The following HAUS8 variants were observed in gnomAD, a reference collection of about 807,000 sequenced individuals.
HAUS8 encodes the protein HAUS augmin like complex subunit 8, also known as HAUS augmin-like complex subunit 8.
In HAUS8, 38 loss-of-function variants were observed where a neutral mutation model predicts 42.9. That is an observed-to-expected ratio of 0.89 (90% confidence interval 0.68 to 1.16). The LOEUF is 1.16. Among genes scored for constraint, HAUS8 ranks in the 50% most tolerant of loss-of-function variants. HAUS8 has a pLI of 0.00. For synonymous variants in HAUS8, 199 were observed against 205.8 expected (o/e 0.97, Z 0.28); for missense variants, 494 against 511.6 (o/e 0.97, Z 0.33).
At chr19:17,058,462 C>T (rs1279791033) in intron 8 of HAUS8, 87 bp downstream of exon 8, 18 of 1,329,400 alleles carry the variant, frequency 1.4e-5, no homozygotes, top group Non-Finnish European at 1.8e-5. Context: ...AGCAATGATA[C>T]CCTAGCACGA....
intron 10 of HAUS8, chr19:17,052,517 G>A: frequency 4.3e-6 from 1 of 230,300 alleles, no homozygotes; most frequent in Non-Finnish European, 8.5e-6. Context: ...ATTTGAGGTT[G>A]CAGTGAGCTG....
In HAUS8 at chr19:17,058,569, C is replaced by T. The variant is rs1259176272; in HGVS notation, c.625G>A (p.Ala209Thr). The change falls in exon 8 of 11, where the codon GCA becomes ACA. Residue 209 changes from alanine to threonine, a missense_variant. Physicochemically the swap from Ala to Thr is moderately conservative, Grantham distance 58 (BLOSUM62 0). Coordinates refer to ENST00000253669, the MANE Select transcript of HAUS8 (RefSeq NM_033417.2). ...LLLSQRKRELADVLDAQIEML... is the reference protein window; with the variant it reads ...LLLSQRKRELTDVLDAQIEML... Reference sequence around the variant, plus strand: ...CTGACCTGGGCATCCAGGACATCTGCCAGCTCCCGCTTCCTCTGAGAGAGG... The same window carrying T: ...CTGACCTGGGCATCCAGGACATCTGTCAGCTCCCGCTTCCTCTGAGAGAGG... The T allele has an allele frequency of 6.2e-7, 1 of 1,602,688 alleles. No homozygotes were observed. The highest frequency in any genetic ancestry group is 1.1e-5 in the South Asian group (1 of 89,168).
chr19:17,060,782 G>A (rs921985979), intron 4 of HAUS8, among the ~76,000 whole-genome samples: 2 of 152,084 alleles, frequency 1.3e-5, no homozygotes, highest in East Asian at 1.9e-4. Context: ...ATCTTTTAAC[G>A]TATATTCTAA....
chr19:17,055,341 A>C (rs2057318935), intron 9 of HAUS8, among the ~76,000 whole-genome samples: 2 of 12,040 alleles, frequency 1.7e-4, no homozygotes, highest in South Asian at 3.3e-3. Flanking sequence ...TGCTGTCTCA[A>C]AAAAAAAAAA....
rs540942657 is a variant in HAUS8, at chr19:17,054,037, G to A, written c.788-1071C>T. On this transcript the variant is annotated intron_variant, in intron 9 of 10. Transcript: ENST00000253669. Reference sequence around the variant, plus strand: ...GGACGGGCAGAGAATGGAGGGACACGGCCATGAGCCAAGGAACGCCAAGGG... The same window carrying A: ...GGACGGGCAGAGAATGGAGGGACACAGCCATGAGCCAAGGAACGCCAAGGG... Among the ~76,000 whole-genome samples the A allele has an allele frequency of 3.5e-4, 53 of 152,168 alleles. 1 individual carries two copies. The East Asian group carries it at 6.6e-3, about 19-fold the overall frequency.
intron 2 of HAUS8, 61 bp downstream of exon 2, chr19:17,073,213 C>T (rs1353188295): frequency 6.8e-7 from 1 of 1,479,682 alleles, no homozygotes; most frequent in African/African-American, 1.4e-5. Flanking sequence ...TTTTCTTCCT[C>T]CAAAAGCACG....
chr19:17,070,111 C>T (rs1197855104), intron 2 of HAUS8, among the ~76,000 whole-genome samples: 14 of 151,986 alleles, frequency 9.2e-5, no homozygotes, highest in Admixed American at 4.6e-4. Flanking sequence ...TCTCCCATCC[C>T]CTTGACAGCA....
chr19:17,070,511 G>A (rs1388717017), intron 2 of HAUS8, among the ~76,000 whole-genome samples: 1 of 152,160 alleles, frequency 6.6e-6, no homozygotes, highest in Non-Finnish European at 1.5e-5. Flanking sequence ...CAGCCGCTCT[G>A]CCGCGTGGAC....
At chr19:17,057,208 G>A (rs9676373) in intron 8 of HAUS8, among the ~76,000 whole-genome samples, 66,661 of 151,792 alleles carry the variant, frequency 0.44, 14,914 homozygotes, top group South Asian at 0.58. Flanking sequence ...AATTTAGCTG[G>A]GCGTGGTGGT....
At chr19:17,064,210 G>A (rs2057375922) in intron 3 of HAUS8, among the ~76,000 whole-genome samples, 1 of 152,186 alleles carries the variant, frequency 6.6e-6, no homozygotes. Context: ...CTATAATCTG[G>A]AAGCTACAAA....
chr19:17,051,387 G>A (rs2057286304), intron 10 of HAUS8, among the ~76,000 whole-genome samples: 1 of 67,778 alleles, frequency 1.5e-5, no homozygotes, highest in South Asian at 6.2e-4. Context: ...CCTGGGGGAG[G>A]TTAAAAAAAA....
At position 17,058,541 on chromosome 19, in the gene HAUS8, C is replaced by A; in HGVS notation, c.645+8G>T. 1.3e-6 allele frequency: 2 copies of A among 1,587,998 alleles called. No homozygotes were observed. The highest frequency in any genetic ancestry group is 1.7e-6 in the Non-Finnish European group (2 of 1,169,566). ...CTCACTGGTCACAGAGTGTCACTTA[C>A]AACTGACCTGGGCATCCAGGACATC... On this transcript the variant is annotated splice_region_variant and intron_variant, in intron 8 of 10. Transcript: ENST00000253669.
intron 5 of HAUS8, 72 bp downstream of exon 5, chr19:17,059,925 G>A (rs1047369384): frequency 1.9e-6 from 2 of 1,077,382 alleles, no homozygotes; most frequent in East Asian, 4.7e-5. Flanking sequence ...TAGGCCAATT[G>A]TACTTTGGAA....
At chr19:17,062,334 G>A (rs8107953) in intron 4 of HAUS8, among the ~76,000 whole-genome samples, 46,266 of 151,982 alleles carry the variant, frequency 0.3, 7,351 homozygotes, top group African/African-American at 0.38. Context: ...GTTTCACTAT[G>A]TTGGCCAGGT....
At chr19:17,074,244 C>T (rs1031302152) in intron 1 of HAUS8, 5 of 152,732 alleles carry the variant, frequency 3.3e-5, no homozygotes, top group Admixed American at 1.3e-4. Context: ...GGGGCAGGGC[C>T]AAGGCCAGGG....
rs201721826 is a variant in HAUS8, at chr19:17,075,391, C to T, written c.29+3G>A. 4.2e-5 allele frequency: 67 copies of T among 1,613,884 alleles called. No homozygotes were observed. Among genetic ancestry groups the T allele is most frequent in the Non-Finnish European group, 5.5e-5 (65 of 1,179,940 alleles). On this transcript the variant is annotated splice_donor_region_variant and intron_variant, in intron 1 of 10. Coordinates refer to ENST00000253669, the MANE Select transcript of HAUS8 (RefSeq NM_033417.2). Reference sequence around the variant, plus strand: ...ATCCAGACCTGCGGAAGCCCCAACTCACCCAGCGCCTCGCCCCGAGGAATC... The same window carrying T: ...ATCCAGACCTGCGGAAGCCCCAACTTACCCAGCGCCTCGCCCCGAGGAATC...
intron 3 of HAUS8, among the ~76,000 whole-genome samples, chr19:17,068,509 G>C (rs747158469): frequency 2.0e-5 from 3 of 152,172 alleles, no homozygotes; most frequent in Non-Finnish European, 4.4e-5. Context: ...GCTCACACTT[G>C]TAATCCCAAC....
intron 9 of HAUS8, among the ~76,000 whole-genome samples, chr19:17,054,616 A>T (rs981180415): frequency 6.6e-6 from 1 of 152,158 alleles, no homozygotes; most frequent in African/African-American, 2.4e-5. Context: ...AGCCTGACCA[A>T]CATGGAGAAA....
chr19:17,065,289 C>G (rs1315771224), intron 3 of HAUS8, among the ~76,000 whole-genome samples: 4 of 152,166 alleles, frequency 2.6e-5, no homozygotes, highest in African/African-American at 9.7e-5. Flanking sequence ...ATGTTTTCAT[C>G]TACAACTCAT....
Sources: gnomAD v4.1 joint callset for allele counts (sites outside exome capture counted in the v4.1 genomes callset) on GRCh38, gnomAD v4.1.1 for gene constraint, MANE v1.5 for transcripts, NCBI Gene and HGNC (gene_info 2026-07-23, HGNC 2026-07-21) for gene names.